The following DAP3 variants were observed in gnomAD, a reference collection of about 807,000 sequenced individuals.
DAP3 encodes the protein small ribosomal subunit protein mS29.
DAP3 carries 28 observed loss-of-function variants against 51.9 expected under a neutral mutation model. That is an observed-to-expected ratio of 0.54 (90% confidence interval 0.40 to 0.74). DAP3 has a LOEUF of 0.74. DAP3 is among the 30% of genes least tolerant of loss of function. DAP3 has a pLI of 0.00. For missense variants in DAP3, 458 were observed against 483.5 expected (o/e 0.95, Z 0.49); for synonymous variants, 170 against 170.3 (o/e 1.00, Z 0.01).
intron 11 of DAP3, among the ~76,000 whole-genome samples, chr1:155,735,350 C>T (rs1036050945): frequency 3.3e-5 from 5 of 151,930 alleles, no homozygotes; most frequent in Admixed American, 6.6e-5. Context: ...CCAGGGCGGG[C>T]GGATCACCTG....
intron 4 of DAP3, among the ~76,000 whole-genome samples, chr1:155,723,791 C>G (rs1270112700): frequency 6.6e-6 from 1 of 152,140 alleles, no homozygotes; most frequent in African/African-American, 2.4e-5. Context: ...GTAATTCCAG[C>G]ACTTTGGGAA....
rs989969046 is a variant in DAP3 at position 155,690,933 on chromosome 1, A to C, written c.-8+1759A>C. On this transcript the variant is annotated intron_variant, in intron 1 of 12. Transcript: ENST00000368336. ...TTATTTTATTTTTTTTTTGAGACGG[A>C]GTCTCGCTCTGTCACCCAGGCTGGA... is the stretch of plus-strand genomic sequence containing the variant. Among the ~76,000 whole-genome samples, 7 of 141,106 alleles carry C rather than the reference A, an allele frequency of 5.0e-5. 2 individuals carry two copies. Among genetic ancestry groups the C allele is most frequent in the African/African-American group, 1.6e-4 (5 of 30,828 alleles). 92.6% of individuals were successfully genotyped at this position (141,106 alleles called of 152,430 possible). A position where few individuals can be genotyped will look rare whatever the true frequency, so the allele number is the denominator to read the frequency against.
At chr1:155,703,772 C>T (rs550376511) in intron 1 of DAP3, among the ~76,000 whole-genome samples, 12 of 152,316 alleles carry the variant, frequency 7.9e-5, no homozygotes, top group South Asian at 6.2e-4. Flanking sequence ...CTTCTGACCT[C>T]GTGATCCACC....
intron 7 of DAP3, 122 bp downstream of exon 7, chr1:155,727,860 C>A: frequency 7.4e-6 from 9 of 1,220,446 alleles, no homozygotes; most frequent in Non-Finnish European, 8.8e-6. Flanking sequence ...TTTTTAATTT[C>A]TTTCATACGT....
rs1222854687 is a variant in DAP3 at position 155,738,138 on chromosome 1, G to A, written c.1112-19G>A. 6.2e-7 allele frequency: 1 copy of A among 1,613,926 alleles called. No homozygotes were observed. The highest frequency in any genetic ancestry group is 8.5e-7 in the Non-Finnish European group (1 of 1,179,842). The stretch of plus-strand genomic sequence containing the variant: ...AGCAGGAGGAAACTGCCACTTACCT[G>A]TGTTTGTCTCCATTTTAGCTCCTAC... On this transcript the variant is annotated intron_variant, in intron 12 of 12. Transcript: ENST00000368336.
chr1:155,705,628 A>C (rs965733189), intron 1 of DAP3, among the ~76,000 whole-genome samples: 8 of 151,190 alleles, frequency 5.3e-5, no homozygotes, highest in Admixed American at 1.3e-4. Flanking sequence ...GAAAAAAAAA[A>C]CAGAAAGGAA....
chr1:155,728,940 T>C (rs1271626989), intron 7 of DAP3, 102 bp from the exon 8 acceptor site: 1 of 1,050,220 alleles, frequency 9.5e-7, no homozygotes. Context: ...TAGATTAAAA[T>C]GAACTCCTGT....
intron 7 of DAP3, 42 bp from the exon 8 acceptor site, chr1:155,729,000 G>A: frequency 1.2e-6 from 2 of 1,605,002 alleles, no homozygotes; most frequent in African/African-American, 1.3e-5. Flanking sequence ...CTTAGGCCAA[G>A]TAGCCTTTTT....
intron 1 of DAP3, among the ~76,000 whole-genome samples, chr1:155,698,909 G>A (rs71628683): frequency 0.1 from 15,295 of 152,108 alleles, 1,023 homozygotes; most frequent in Non-Finnish European, 0.15. Flanking sequence ...TTTGTCTGTC[G>A]GTCCTCCATT....
In DAP3 at chr1:155,716,913, A is replaced by G. The variant is rs1415767056; in HGVS notation, c.46-93A>G. 27 of 1,527,770 alleles carry G rather than the reference A, an allele frequency of 1.8e-5. No individual in the cohort carries two copies. The East Asian group carries it at 5.9e-4, about 33-fold the overall frequency. The allele number at this position is 1,527,770 out of a possible 1,614,324, so 94.6% of individuals were successfully genotyped here. A position where few individuals can be genotyped will look rare whatever the true frequency, so the allele number is the denominator to read the frequency against. The stretch of plus-strand genomic sequence containing the variant: ...AGTGAGCCTGAGATCACGCCATTGC[A>G]CTCCAGCTTGGGCAACAAGAGAGAA... On this transcript the variant is annotated intron_variant, in intron 2 of 12. Coordinates refer to ENST00000368336, the MANE Select transcript of DAP3 (RefSeq NM_004632.4).
intron 1 of DAP3, 109 bp downstream of exon 1, chr1:155,689,283 G>A (rs774577192): frequency 7.7e-6 from 5 of 645,990 alleles, no homozygotes; most frequent in South Asian, 3.0e-5. Flanking sequence ...CCTCCGGGGG[G>A]GATTCCTCCC....
rs769165051 is a variant in DAP3 at position 155,738,192 on chromosome 1, C to G, written c.1147C>G (p.Leu383Val). Residue 383 changes from leucine (L) to valine (V), a missense_variant, in exon 13 of 13, where the codon CTA becomes GTA. Physicochemically the swap from Leu to Val is conservative, Grantham distance 32. Coordinates refer to ENST00000368336, the MANE Select transcript of DAP3 (RefSeq NM_004632.4). ...TEEGKKELLF[L>V]SNANPSLLER... ...AGAAGGGAAAAAAGAGCTGCTGTTC[C>G]TAAGTAACGCGAACCCCTCGCTGCT... 6.2e-7 allele frequency: 1 copy of G among 1,614,230 alleles called. No individual in the cohort carries two copies. The highest frequency in any genetic ancestry group is 8.5e-7 in the Non-Finnish European group (1 of 1,180,044).
At chr1:155,726,260 CCCACCACA>C (rs994974337) in intron 6 of DAP3, 2 of 298,970 alleles carry the variant, frequency 6.7e-6, no homozygotes, top group Non-Finnish European at 1.2e-5. Context: ...ATTACAGGCG[CCCACCACA>C]CCACCACGCC....
At chr1:155,715,481 C>G (rs1657221083) in intron 2 of DAP3, among the ~76,000 whole-genome samples, 1 of 151,826 alleles carries the variant, frequency 6.6e-6, no homozygotes, top group African/African-American at 2.4e-5. Context: ...GTGATCGTGC[C>G]ACTGCACTCC....
In DAP3 at chr1:155,726,249, G is replaced by A. The variant is rs192725161; in HGVS notation, c.472+230G>A. 7.8e-3 allele frequency: 2,378 copies of A among 306,218 alleles called. 17 individuals are homozygous for A. Among genetic ancestry groups the A allele is most frequent in the Non-Finnish European group, 9.3e-3 (1,551 of 167,360 alleles). The allele number at this position is 306,218 out of a possible 1,614,324, so 19.0% of individuals were successfully genotyped here. ...CTGCCTCAGCCTCCCAAGTAGCTGG[G>A]ATTACAGGCGCCCACCACACCACCA... is the stretch of plus-strand genomic sequence containing the variant. On this transcript the variant is annotated intron_variant, in intron 6 of 12. Coordinates refer to ENST00000368336, the MANE Select transcript of DAP3 (RefSeq NM_004632.4).
intron 1 of DAP3, among the ~76,000 whole-genome samples, chr1:155,701,950 G>A (rs1655337986): frequency 6.6e-6 from 1 of 150,676 alleles, no homozygotes; most frequent in African/African-American, 2.4e-5. Context: ...ATGGAGGGAA[G>A]TAGCTGACAG....
chr1:155,704,291 G>A (rs1203783277), intron 1 of DAP3, among the ~76,000 whole-genome samples: 4 of 152,170 alleles, frequency 2.6e-5, no homozygotes, highest in Admixed American at 2.0e-4. Flanking sequence ...CTGATTACAC[G>A]TTCTGACCGT....
chr1:155,731,822 T>C (rs1659265436), intron 10 of DAP3, 122 bp from the exon 11 acceptor site: 2 of 968,074 alleles, frequency 2.1e-6, no homozygotes, highest in South Asian at 3.6e-5. Context: ...CATTTAACTG[T>C]GCTAGACCAC....
rs142107923 is a variant in DAP3 at position 155,716,878 on chromosome 1, C to T, written c.46-128C>T. ...AGGAGAATCACTTGAACCTGGAAGG[C>T]GGAGGTTGTAGTGAGCCTGAGATCA... On this transcript the variant is annotated intron_variant, in intron 2 of 12. Transcript: ENST00000368336. 761 of 1,290,306 alleles carry T rather than the reference C, an allele frequency of 5.9e-4. 4 individuals carry two copies. The African/African-American group carries it at 0.011, about 18-fold the overall frequency. The allele number at this position is 1,290,306 out of a possible 1,614,324, so 79.9% of individuals were successfully genotyped here.
Sources: gnomAD v4.1 joint callset for allele counts (sites outside exome capture counted in the v4.1 genomes callset) on GRCh38, gnomAD v4.1.1 for gene constraint, MANE v1.5 for transcripts, NCBI Gene and HGNC (gene_info 2026-07-23, HGNC 2026-07-21) for gene names.